FLI1: variants seen among roughly 807,000 people sequenced by gnomAD.
The protein encoded by FLI1 is Fli-1 proto-oncogene, ETS transcription factor.
In FLI1, 13 loss-of-function variants were observed where a neutral mutation model predicts 53.1. The ratio of observed to expected loss-of-function variants is 0.24; its 90% CI spans 0.16 to 0.39. The LOEUF (loss-of-function observed/expected upper bound fraction) is 0.39, where lower values mean the gene tolerates loss of function less well. FLI1 is among the 10% of genes least tolerant of loss of function. FLI1 has a pLI of 1.00. For missense variants in FLI1, 424 were observed against 600.5 expected (o/e 0.71, Z 3.07); for synonymous variants, 244 against 236.7 (o/e 1.03, Z -0.28).
At chr11:128,755,305 G>C (rs1298745126) in intron 1 of FLI1, among the ~76,000 whole-genome samples, 1 of 152,168 alleles carries the variant, frequency 6.6e-6, no homozygotes, top group Non-Finnish European at 1.5e-5. Context: ...TATTTTACTG[G>C]AAACTCCAAG....
chr11:128,781,190 T>C (rs1941904499), intron 4 of FLI1, among the ~76,000 whole-genome samples: 2 of 152,142 alleles, frequency 1.3e-5, no homozygotes, highest in Admixed American at 1.3e-4. Context: ...TAGACATAGG[T>C]GAAGGGAAGC....
intron 1 of FLI1, among the ~76,000 whole-genome samples, chr11:128,714,858 A>G (rs546906046): frequency 1.3e-5 from 2 of 151,238 alleles, no homozygotes; most frequent in Non-Finnish European, 2.9e-5. Flanking sequence ...ACAGGCACGC[A>G]CCACCACGCC....
intron 1 of FLI1, among the ~76,000 whole-genome samples, chr11:128,756,720 C>T (rs550475380): frequency 6.6e-6 from 1 of 152,276 alleles, no homozygotes; most frequent in African/African-American, 2.4e-5. Context: ...TTATAGATGA[C>T]TACCATCTTC....
At chr11:128,803,036 G>C (rs1484493731) in intron 5 of FLI1, among the ~76,000 whole-genome samples, 2 of 152,310 alleles carry the variant, frequency 1.3e-5, no homozygotes, top group South Asian at 2.1e-4. Flanking sequence ...ACTAATGATT[G>C]AGCAGAAAAA....
chr11:128,688,637 G>A (rs992952535), intron 1 of FLI1, among the ~76,000 whole-genome samples: 18 of 152,294 alleles, frequency 1.2e-4, no homozygotes, highest in African/African-American at 3.8e-4. Context: ...GCTCCACCGG[G>A]GTCACGATCT....
intron 1 of FLI1, among the ~76,000 whole-genome samples, chr11:128,726,819 A>C (rs918362333): frequency 2.6e-5 from 4 of 152,180 alleles, no homozygotes; most frequent in African/African-American, 9.7e-5. Context: ...GAATATTATA[A>C]GTATTTGAGG....
intron 1 of FLI1, among the ~76,000 whole-genome samples, chr11:128,747,399 C>T (rs1479145940): frequency 6.6e-6 from 1 of 152,212 alleles, no homozygotes; most frequent in African/African-American, 2.4e-5. Flanking sequence ...AGGTGGCCTT[C>T]CCAGAAGCAG....
chr11:128,724,445 T>C (rs1441344607), intron 1 of FLI1, among the ~76,000 whole-genome samples: 1 of 152,164 alleles, frequency 6.6e-6, no homozygotes, highest in East Asian at 1.9e-4. Context: ...GAATTTGGGT[T>C]TTCTGTTGTC....
At chr11:128,741,315 C>T (rs893150680) in intron 1 of FLI1, among the ~76,000 whole-genome samples, 1 of 152,202 alleles carries the variant, frequency 6.6e-6, no homozygotes, top group Non-Finnish European at 1.5e-5. Flanking sequence ...ATCGCTTGAA[C>T]CCGGGAGGCA....
In FLI1 at chr11:128,811,691, AT is replaced by A. The variant is rs201085556; in HGVS notation, c.*718del. ...TGAAAGACGGGGAATTAAATTACTAATTTTTTTTTTTTTTTAAATGATGACA... is the reference window on the plus strand; with the variant it reads ...TGAAAGACGGGGAATTAAATTACTAATTTTTTTTTTTTTTAAATGATGACA... On this transcript the variant is annotated 3_prime_UTR_variant, in exon 9 of 9. Transcript: ENST00000527786. 13,545 of 177,528 alleles carry A rather than the reference AT, an allele frequency of 0.076. 70 individuals carry two copies. Among genetic ancestry groups the A allele is most frequent in the East Asian group, 0.24 (2,513 of 10,496 alleles). 11.0% of individuals were successfully genotyped at this position (177,528 alleles called of 1,614,324 possible). A position where few individuals can be genotyped will look rare whatever the true frequency, so the allele number is the denominator to read the frequency against.
At chr11:128,740,304 G>A (rs891088332) in intron 1 of FLI1, among the ~76,000 whole-genome samples, 1 of 152,176 alleles carries the variant, frequency 6.6e-6, no homozygotes, top group African/African-American at 2.4e-5. Context: ...GACAAATTAT[G>A]GTGTCTAAAG....
intron 1 of FLI1, among the ~76,000 whole-genome samples, chr11:128,697,510 C>T (rs1396177437): frequency 6.6e-6 from 1 of 151,344 alleles, no homozygotes; most frequent in Non-Finnish European, 1.5e-5. Flanking sequence ...AAGTCTGCTA[C>T]CTTAGCTGGA....
Position 128,810,532 on chromosome 11 carries a change from C to G in FLI1, c.903C>G (p.Thr301=). Residue 301 remains threonine (T), a synonymous_variant, in exon 9 of 9, where the codon ACC becomes ACG. Transcript: ENST00000527786. This position sits in a 1 kb window ranked among gnomAD's most constrained non-coding sequence, Gnocchi z 6.6. ...ACAGCGCCAACGCCAGCTGTATCACCTGGGAGGGGACCAACGGGGAGTTCA... is the reference window on the plus strand; with the variant it reads ...ACAGCGCCAACGCCAGCTGTATCACGTGGGAGGGGACCAACGGGGAGTTCA... The part of the protein sequence containing the change: ...LSDSANASCI[T]WEGTNGEFKM... 1 of 1,611,758 alleles carries G rather than the reference C, an allele frequency of 6.2e-7. No individual in the cohort carries two copies. The highest frequency in any genetic ancestry group is 8.5e-7 in the Non-Finnish European group (1 of 1,178,906).
Position 128,686,570 on chromosome 11 carries a change from T to G in FLI1, c.-334T>G, listed in dbSNP as rs1262974099. On this transcript the variant is annotated 5_prime_UTR_variant, in exon 1 of 7. Transcript: ENST00000344954. Reference sequence around the variant, plus strand: ...CATCTGCATCCCCACTTCATCACCATCCCACCGTCTCTCCCTCGCTCCACT... The same window carrying G: ...CATCTGCATCCCCACTTCATCACCAGCCCACCGTCTCTCCCTCGCTCCACT... 7 of 429,926 alleles carry G rather than the reference T, an allele frequency of 1.6e-5. No homozygotes were observed. The East Asian group carries it at 5.0e-4, about 31-fold the overall frequency. The allele number at this position is 429,926 out of a possible 1,614,324, so 26.6% of individuals were successfully genotyped here.
At position 128,727,557 on chromosome 11, in the gene FLI1, TA is replaced by T. The variant is rs544552527; in HGVS notation, c.19-30557del. On this transcript the variant is annotated intron_variant, in intron 1 of 8. Transcript: ENST00000527786. Reference sequence around the variant, plus strand: ...GTAGTGGTTGCGGAAAGGGCTGATGTATCAGCTTCAAAGGCTGACTTGCTGC... The same window carrying T: ...GTAGTGGTTGCGGAAAGGGCTGATGTTCAGCTTCAAAGGCTGACTTGCTGC... Among the ~76,000 whole-genome samples, 35 of 152,332 alleles carry T rather than the reference TA, an allele frequency of 2.3e-4. No individual in the cohort carries two copies. In the East Asian group the frequency reaches 6.6e-3, roughly 29 times the overall value.
intron 1 of FLI1, among the ~76,000 whole-genome samples, chr11:128,700,890 G>T (rs1184722892): frequency 6.6e-6 from 1 of 152,074 alleles, no homozygotes; most frequent in Admixed American, 6.6e-5. Flanking sequence ...TAATAACTTG[G>T]GTCTTGTAAC....
chr11:128,710,075 C>T (rs1480276722), intron 1 of FLI1, among the ~76,000 whole-genome samples: 1 of 152,124 alleles, frequency 6.6e-6, no homozygotes, highest in Non-Finnish European at 1.5e-5. Context: ...CTTAACGAGG[C>T]CAGGAAAGCT....
intron 1 of FLI1, among the ~76,000 whole-genome samples, chr11:128,711,917 CT>C (rs977909500): frequency 6.6e-6 from 1 of 152,074 alleles, no homozygotes; most frequent in Non-Finnish European, 1.5e-5. Flanking sequence ...TAGTCTTTGT[CT>C]TTTTTTAAAA....
At chr11:128,697,929 C>T (rs953778300) in intron 1 of FLI1, among the ~76,000 whole-genome samples, 6 of 152,098 alleles carry the variant, frequency 3.9e-5, no homozygotes, top group Non-Finnish European at 7.3e-5. Flanking sequence ...AGAACAATAA[C>T]GCAGGTTAGG....
Sources: allele counts gnomAD v4.1 joint callset (sites outside exome capture counted in the v4.1 genomes callset), GRCh38; gene constraint gnomAD v4.1.1; non-coding constraint Gnocchi (gnomAD v3.1); transcripts MANE v1.5; gene names NCBI Gene and HGNC (gene_info 2026-07-23, HGNC 2026-07-21).